CTNNA2: variants seen among roughly 807,000 people sequenced by gnomAD.
CTNNA2 encodes catenin alpha-2.
A neutral mutation model predicts 101.0 loss-of-function variants in CTNNA2; 42 were observed. That is an observed-to-expected ratio of 0.42 (90% CI 0.32 to 0.54). The LOEUF (loss-of-function observed/expected upper bound fraction) is 0.54, where lower values mean the gene tolerates loss of function less well. CTNNA2 is among the 20% of genes least tolerant of loss of function. The probability of loss-of-function intolerance (pLI) is 0.14; values close to 1 mark genes in which losing one functional copy is unlikely to be tolerated. For synonymous variants in CTNNA2, 450 were observed against 456.4 expected (o/e 0.99, Z 0.18); for missense variants, 871 against 1,223.1 (o/e 0.71, Z 4.29).
intron 4 of CTNNA2, among the ~76,000 whole-genome samples, chr2:79,430,026 A>G (rs1392613007): frequency 6.6e-6 from 1 of 152,130 alleles, no homozygotes; most frequent in Admixed American, 6.6e-5. Flanking sequence ...TATGAGAGGT[A>G]AAAAGTCTGA....
rs1437257572 is a variant in CTNNA2, at chr2:80,303,698, T to C, written c.1057-89513T>C. The C allele has an allele frequency of 6.2e-7, 1 of 1,610,060 alleles. No individual in the cohort carries two copies. Among genetic ancestry groups the C allele is most frequent in the Non-Finnish European group, 8.5e-7 (1 of 1,177,902 alleles). ...CAGCCGCCCCTCGCACCGGCACAGC[T>C]GCGGGCACCCGCTGGGGGCGGCGGG... On this transcript the variant is annotated intron_variant, in intron 7 of 18. Transcript: ENST00000402739. The surrounding 1 kb of genome is among the most constrained non-coding windows in gnomAD (Gnocchi z 7.7).
At chr2:79,495,719 T>C (rs933010726) in intron 4 of CTNNA2, among the ~76,000 whole-genome samples, 8 of 152,174 alleles carry the variant, frequency 5.3e-5, no homozygotes, top group African/African-American at 1.9e-4. Context: ...TATTAATTGA[T>C]AAATGGATTA....
chr2:79,240,169 A>C (rs1258688839), intron 2 of CTNNA2, among the ~76,000 whole-genome samples: 11 of 151,600 alleles, frequency 7.3e-5, no homozygotes, highest in African/African-American at 2.2e-4. Flanking sequence ...CAGCCTCCTA[A>C]AGTGCTGGGA....
chr2:79,257,609 C>T (rs1298130268), intron 2 of CTNNA2, among the ~76,000 whole-genome samples: 1 of 151,246 alleles, frequency 6.6e-6, no homozygotes, highest in East Asian at 1.9e-4. Context: ...AAAGTGGAAC[C>T]ATACCACTCC....
intron 12 of CTNNA2, among the ~76,000 whole-genome samples, chr2:80,567,967 A>G (rs1295639090): frequency 3.3e-5 from 5 of 152,114 alleles, no homozygotes; most frequent in Non-Finnish European, 7.4e-5. Context: ...ATGCTCCATA[A>G]TAAAATTTGT....
chr2:79,655,564 C>T (rs1393852975), intron 2 of CTNNA2, among the ~76,000 whole-genome samples: 1 of 152,156 alleles, frequency 6.6e-6, no homozygotes, highest in Non-Finnish European at 1.5e-5. Flanking sequence ...CGTGGTGGCT[C>T]ATGCCTGTAA....
intron 7 of CTNNA2, among the ~76,000 whole-genome samples, chr2:80,327,734 A>C (rs1181152344): frequency 6.6e-6 from 1 of 152,188 alleles, no homozygotes; most frequent in East Asian, 1.9e-4. Flanking sequence ...AGCACTGACA[A>C]TAGAAGTATA....
rs78955890 is a variant in CTNNA2, at chr2:79,329,261, C to T, written c.-318+16465C>T. ...CTGCCTTGTATCCTTTTCCGGAGCA[C>T]AGTTGTTCTGTTCCTAGAAACAACA... On this transcript the variant is annotated intron_variant, in intron 3 of 21. Coordinates refer to the CTNNA2 transcript ENST00000466387. Among the ~76,000 whole-genome samples the T allele has an allele frequency of 3.6e-3, 547 of 152,244 alleles. 6 individuals carry two copies. Among genetic ancestry groups the T allele is most frequent in the African/African-American group, 0.012 (490 of 41,540 alleles).
At chr2:80,562,654 C>T (rs1434062) in intron 12 of CTNNA2, among the ~76,000 whole-genome samples, 42,181 of 151,920 alleles carry the variant, frequency 0.28, 6,977 homozygotes, top group East Asian at 0.38. Context: ...TTATTTATTA[C>T]AAGACTGTAG....
intron 8 of CTNNA2, among the ~76,000 whole-genome samples, chr2:80,398,955 T>C (rs951293822): frequency 4.6e-5 from 7 of 151,698 alleles, no homozygotes; most frequent in Admixed American, 1.3e-4. Context: ...AGGTAGTAGG[T>C]TGGAGTGCAA....
intron 7 of CTNNA2, among the ~76,000 whole-genome samples, chr2:80,153,257 A>G (rs1226342257): frequency 2.6e-5 from 4 of 152,158 alleles, no homozygotes; most frequent in Non-Finnish European, 5.9e-5. Flanking sequence ...GGGCTTACTG[A>G]AGGGTCTTTT....
chr2:79,892,335 G>A (rs1206931046), intron 6 of CTNNA2, among the ~76,000 whole-genome samples: 3 of 151,944 alleles, frequency 2.0e-5, no homozygotes, highest in Non-Finnish European at 4.4e-5. Context: ...GACAGTCATG[G>A]CCATGAAACA....
chr2:80,016,445 C>T (rs945675843), intron 7 of CTNNA2, among the ~76,000 whole-genome samples: 1 of 152,046 alleles, frequency 6.6e-6, no homozygotes, highest in Non-Finnish European at 1.5e-5. Context: ...GCCCAGTCAG[C>T]CAGTGAGAAA....
chr2:79,904,704 CA>C (rs1685303943), intron 6 of CTNNA2, among the ~76,000 whole-genome samples: 1 of 152,110 alleles, frequency 6.6e-6, no homozygotes, highest in Non-Finnish European at 1.5e-5. Context: ...CCCATCAAAC[CA>C]TTTGTAATAC....
chr2:79,375,496 A>G (rs1677957576), intron 4 of CTNNA2, among the ~76,000 whole-genome samples: 1 of 152,198 alleles, frequency 6.6e-6, no homozygotes, highest in Non-Finnish European at 1.5e-5. Flanking sequence ...GCATTCATTC[A>G]TTCATGTGAC....
chr2:80,038,192 A>T (rs1365163108), intron 7 of CTNNA2, among the ~76,000 whole-genome samples: 2 of 152,210 alleles, frequency 1.3e-5, no homozygotes, highest in Non-Finnish European at 2.9e-5. Context: ...GAAGGTCGGG[A>T]TCCTGCTAAG....
chr2:79,443,629 G>T (rs190454339), intron 4 of CTNNA2, among the ~76,000 whole-genome samples: 280 of 152,050 alleles, frequency 1.8e-3, no homozygotes, highest in Non-Finnish European at 2.0e-3. Flanking sequence ...ACTAACTATA[G>T]AAATTCAAAA....
At chr2:79,450,185 G>A (rs1017515552) in intron 4 of CTNNA2, among the ~76,000 whole-genome samples, 12 of 151,590 alleles carry the variant, frequency 7.9e-5, no homozygotes, top group Non-Finnish European at 1.6e-4. Context: ...TTACTATCAT[G>A]AGTCAAAAAG....
Position 79,744,479 on chromosome 2 carries a change from G to A in CTNNA2, c.195G>A (p.Glu65=). The A allele has an allele frequency of 6.2e-7, 1 of 1,614,134 alleles. No homozygotes were observed. The highest frequency in any genetic ancestry group is 2.2e-5 in the East Asian group (1 of 44,848). The stretch of plus-strand genomic sequence containing the variant: ...CCCATGTACTAGCTGCCTCTGTAGA[G>A]CAAGCCACTCAGAATTTCCTGGAAA... ...KKAHVLAASV[E]QATQNFLEKG... is the part of the protein sequence containing the mutation. The change falls in exon 3 of 19, where the codon GAG becomes GAA. Residue 65 remains glutamate (E), a synonymous_variant. Coordinates refer to ENST00000402739, the MANE Select transcript of CTNNA2 (RefSeq NM_001282597.3).
Sources: allele counts gnomAD v4.1 joint callset (sites outside exome capture counted in the v4.1 genomes callset), GRCh38; gene constraint gnomAD v4.1.1; non-coding constraint Gnocchi (gnomAD v3.1); transcripts MANE v1.5; gene names NCBI Gene and HGNC (gene_info 2026-07-23, HGNC 2026-07-21).